XKR6: variants seen among roughly 807,000 people sequenced by gnomAD.
XKR6 encodes the protein XK-related protein 6.
In XKR6, 22 loss-of-function variants were observed where a neutral mutation model predicts 56.7. That is an observed-to-expected ratio of 0.39 (90% confidence interval 0.28 to 0.55). The LOEUF is 0.55. XKR6 is among the 20% of genes least tolerant of loss of function. The pLI, the probability that XKR6 is intolerant of heterozygous loss-of-function variation, is 0.66. For synonymous variants in XKR6, 524 were observed against 387.8 expected (o/e 1.35, Z -4.13); for missense variants, 852 against 889.0 (o/e 0.96, Z 0.53).
chr8:10,957,924 TA>T (rs35987493), intron 1 of XKR6, among the ~76,000 whole-genome samples: 40 of 148,348 alleles, frequency 2.7e-4, no homozygotes, highest in South Asian at 6.4e-4. Context: ...ATCAAAGTGT[TA>T]AAAAAAAAAA....
At chr8:11,001,218 C>T (rs1798231424) in intron 1 of XKR6, among the ~76,000 whole-genome samples, 2 of 152,166 alleles carry the variant, frequency 1.3e-5, no homozygotes, top group South Asian at 4.1e-4. Flanking sequence ...ACTCCCCTTC[C>T]GATGGAGAAA....
In XKR6 at chr8:10,942,449, C is replaced by T. The variant is rs73535478; in HGVS notation, c.765-17619G>A. ...TGGGCGAGGTCTCTTGCCTGTGCTTCCCCTCCTGCTCCCAGGACTTCCTGC... is the reference window on the plus strand; with the variant it reads ...TGGGCGAGGTCTCTTGCCTGTGCTTTCCCTCCTGCTCCCAGGACTTCCTGC... On this transcript the variant is annotated intron_variant, in intron 1 of 2. Transcript: ENST00000416569. Among the ~76,000 whole-genome samples the T allele has an allele frequency of 2.1e-3, 315 of 152,332 alleles. 2 individuals carry two copies. The highest frequency in any genetic ancestry group is 7.2e-3 in the African/African-American group (298 of 41,576).
At chr8:10,972,280 C>CA (rs2129134219) in intron 1 of XKR6, among the ~76,000 whole-genome samples, 1 of 152,334 alleles carries the variant, frequency 6.6e-6, no homozygotes, top group African/African-American at 2.4e-5. Flanking sequence ...GGTTTGATGT[C>CA]AGACCAGTGT....
intron 1 of XKR6, among the ~76,000 whole-genome samples, chr8:11,072,823 G>C (rs946676442): frequency 1.3e-5 from 2 of 151,484 alleles, no homozygotes; most frequent in African/African-American, 4.9e-5. Flanking sequence ...ACCAAGGCGG[G>C]TGGATCACTT....
intron 2 of XKR6, among the ~76,000 whole-genome samples, chr8:10,909,781 T>A (rs148521771): frequency 6.6e-6 from 1 of 152,342 alleles, no homozygotes; most frequent in African/African-American, 2.4e-5. Context: ...TACTGAATGT[T>A]TCAGTGCGTC....
intron 2 of XKR6, among the ~76,000 whole-genome samples, chr8:10,905,892 A>T (rs1800175251): frequency 1.3e-5 from 2 of 152,192 alleles, no homozygotes; most frequent in Admixed American, 1.3e-4. Context: ...CTCTCTAAGC[A>T]TAACCCACTG....
At chr8:11,120,561 T>C (rs928344737) in intron 1 of XKR6, among the ~76,000 whole-genome samples, 36 of 152,010 alleles carry the variant, frequency 2.4e-4, no homozygotes, top group Non-Finnish European at 4.7e-4. Flanking sequence ...GGAAGAACAT[T>C]CCATGCTCAT....
chr8:10,954,634 C>T (rs55958006), intron 1 of XKR6, among the ~76,000 whole-genome samples: 28,732 of 152,034 alleles, frequency 0.19, 3,831 homozygotes, highest in African/African-American at 0.38. Flanking sequence ...ATGGTGTCCT[C>T]TGAAGCACAG....
intron 1 of XKR6, chr8:11,109,741 G>C (rs1181406831): frequency 6.6e-6 from 1 of 152,130 alleles, no homozygotes; most frequent in Non-Finnish European, 1.5e-5. Flanking sequence ...CATTCCAGTA[G>C]GGACCAAGTT....
chr8:11,037,428 T>C (rs1799173762), intron 1 of XKR6, among the ~76,000 whole-genome samples: 1 of 152,184 alleles, frequency 6.6e-6, no homozygotes, highest in African/African-American at 2.4e-5. Context: ...CTGTGCCATG[T>C]TGTCCAGGCT....
chr8:11,089,242 G>A (rs1168882117), intron 1 of XKR6, among the ~76,000 whole-genome samples: 1 of 152,274 alleles, frequency 6.6e-6, no homozygotes, highest in East Asian at 1.9e-4. Context: ...ACTGCAACTC[G>A]ACAAGTCAGC....
chr8:10,910,737 C>G (rs909584458), intron 2 of XKR6, among the ~76,000 whole-genome samples: 1 of 152,196 alleles, frequency 6.6e-6, no homozygotes, highest in South Asian at 2.1e-4. Context: ...TAAATCCAGC[C>G]CCCTGCTTCA....
In XKR6 at chr8:10,897,880, T is replaced by G; in HGVS notation, c.*72A>C. Reference sequence around the variant, plus strand: ...TTCTGTGTATTGGGGGAAGGGAGGGTTATATTTCTTGCAAGTGCTGTTTGC... The same window carrying G: ...TTCTGTGTATTGGGGGAAGGGAGGGGTATATTTCTTGCAAGTGCTGTTTGC... On this transcript the variant is annotated 3_prime_UTR_variant, in exon 3 of 3. Coordinates refer to ENST00000416569, the MANE Select transcript of XKR6 (RefSeq NM_173683.4). 4 of 1,496,282 alleles carry G rather than the reference T, an allele frequency of 2.7e-6. No homozygotes were observed. Among genetic ancestry groups the G allele is most frequent in the South Asian group, 1.4e-5 (1 of 72,038 alleles). The allele number at this position is 1,496,282 out of a possible 1,614,324, so 92.7% of individuals were successfully genotyped here. A position where few individuals can be genotyped will look rare whatever the true frequency, so the allele number is the denominator to read the frequency against.
chr8:11,035,957 T>C (rs1303446932), intron 1 of XKR6, among the ~76,000 whole-genome samples: 1 of 148,762 alleles, frequency 6.7e-6, no homozygotes. Context: ...TTTTTTTTTT[T>C]TTTTGAGGCA....
At chr8:11,129,517 C>A (rs1390193292) in intron 1 of XKR6, among the ~76,000 whole-genome samples, 1 of 152,086 alleles carries the variant, frequency 6.6e-6, no homozygotes, top group African/African-American at 2.4e-5. Flanking sequence ...CCATTAGATG[C>A]CCATCTTCAA....
At chr8:11,033,735 A>T (rs1223652831) in intron 1 of XKR6, among the ~76,000 whole-genome samples, 2 of 152,168 alleles carry the variant, frequency 1.3e-5, no homozygotes, top group Non-Finnish European at 2.9e-5. Context: ...AACCAACTGA[A>T]TGAGAAAGCC....
chr8:11,029,215 G>A (rs529098956), intron 1 of XKR6, among the ~76,000 whole-genome samples: 8 of 152,146 alleles, frequency 5.3e-5, no homozygotes, highest in African/African-American at 1.9e-4. Flanking sequence ...CTGGGCTGTT[G>A]ACCCCCAAAT....
intron 1 of XKR6, among the ~76,000 whole-genome samples, chr8:11,047,623 G>C (rs1586474452): frequency 6.6e-6 from 1 of 152,210 alleles, no homozygotes; most frequent in South Asian, 2.1e-4. Context: ...GCTGGGAAAA[G>C]GGGGCATGAG....
At chr8:10,957,109 C>G (rs1439815712) in intron 1 of XKR6, among the ~76,000 whole-genome samples, 1 of 152,130 alleles carries the variant, frequency 6.6e-6, no homozygotes, top group South Asian at 2.1e-4. Context: ...TGCCACCATG[C>G]CCGTTTAATT....
Sources: allele counts gnomAD v4.1 joint callset (sites outside exome capture counted in the v4.1 genomes callset), GRCh38; gene constraint gnomAD v4.1.1; transcripts MANE v1.5; gene names NCBI Gene and HGNC (gene_info 2026-07-23, HGNC 2026-07-21).